The following GBP6 variants were observed in gnomAD, a reference collection of about 807,000 sequenced individuals.
GBP6 encodes guanylate binding protein family member 6.
GBP6 carries 54 observed loss-of-function variants against 61.5 expected under a neutral mutation model. The observed-to-expected ratio is 0.88, with a 90% CI of 0.71 to 1.10. The LOEUF (loss-of-function observed/expected upper bound fraction) is 1.10, where lower values mean the gene tolerates loss of function less well. Among genes scored for constraint, GBP6 ranks in the 50% least tolerant of loss-of-function variants. The pLI, the probability that GBP6 is intolerant of heterozygous loss-of-function variation, is 0.00. For synonymous variants in GBP6, 255 were observed against 273.7 expected (o/e 0.93, Z 0.67); for missense variants, 748 against 752.8 (o/e 0.99, Z 0.07).
intron 10 of GBP6, among the ~76,000 whole-genome samples, chr1:89,384,899 C>A (rs1043856526): frequency 6.6e-6 from 1 of 152,224 alleles, no homozygotes; most frequent in African/African-American, 2.4e-5. Flanking sequence ...GGTATTCCTA[C>A]AATATGGGTG....
At position 89,385,354 on chromosome 1, in the gene GBP6, C is replaced by T. The variant is rs144066091; in HGVS notation, c.1787C>T (p.Thr596Ile). The T allele has an allele frequency of 1.4e-5, 23 of 1,613,990 alleles. No homozygotes were observed. In the African/African-American group the frequency reaches 2.4e-4, roughly 17 times the overall value. ...GATGATACTCCCTGGATTGCACGAA[C>T]CTTGGACAACCTTGCCGATGAGCTA... Reference protein sequence around the residue: ...KNDDTPWIARTLDNLADELTA... With the variant: ...KNDDTPWIARILDNLADELTA... Residue 596 changes from threonine to isoleucine, a missense_variant, in exon 11 of 11, where the codon ACC (threonine) becomes ATC (isoleucine). Transcript: ENST00000370456.
intron 3 of GBP6, among the ~76,000 whole-genome samples, chr1:89,372,787 T>C (rs541951814): frequency 1.3e-5 from 2 of 152,238 alleles, no homozygotes; most frequent in South Asian, 2.1e-4. Flanking sequence ...CCAAAAGCAA[T>C]GGCAACAAAA....
At chr1:89,383,957 T>C in intron 9 of GBP6, 136 bp from the exon 10 acceptor site, 1 of 939,794 alleles carries the variant, frequency 1.1e-6, no homozygotes, top group Non-Finnish European at 1.6e-6. Flanking sequence ...TCAAATGCGC[T>C]CTTAATGGTG....
At chr1:89,376,787 G>A (rs537029964) in intron 3 of GBP6, among the ~76,000 whole-genome samples, 1 of 152,178 alleles carries the variant, frequency 6.6e-6, no homozygotes, top group East Asian at 1.9e-4. Flanking sequence ...GGTGGCTTGA[G>A]GCTAGGAGTT....
rs137963587 is a variant in GBP6, at chr1:89,385,785, G to A, written c.*316G>A. 4.8e-3 allele frequency: 973 copies of A among 204,654 alleles called. 8 individuals carry two copies. The highest frequency in any genetic ancestry group is 0.021 in the African/African-American group (904 of 42,556). 12.7% of individuals were successfully genotyped at this position (204,654 alleles called of 1,614,324 possible). The stretch of plus-strand genomic sequence containing the variant: ...TGACCTCAAATGATCCACCCGCCTC[G>A]GCCTCCCAAAGTGCTGGGTTTACAG... On this transcript the variant is annotated 3_prime_UTR_variant, in exon 11 of 11. Transcript: ENST00000370456.
rs1041813347 is a variant in GBP6 at position 89,387,764 on chromosome 1, C to A, written c.*2295C>A. ...CCTGGCCAACATGGCGAAACCCTGC[C>A]TTTACTAAAAATACAAAAATTAACC... On this transcript the variant is annotated 3_prime_UTR_variant, in exon 11 of 11. Transcript: ENST00000370456. Among the ~76,000 whole-genome samples, 1 of 152,186 alleles carries A rather than the reference C, an allele frequency of 6.6e-6. No homozygotes were observed. Among genetic ancestry groups the A allele is most frequent in the African/African-American group, 2.4e-5 (1 of 41,454 alleles).
intron 7 of GBP6, 129 bp downstream of exon 7, chr1:89,382,103 G>A: frequency 2.1e-6 from 2 of 970,746 alleles, no homozygotes; most frequent in Non-Finnish European, 3.0e-6. Flanking sequence ...ATGAGGGATA[G>A]AGTTTCAAAA....
In GBP6 at chr1:89,384,206, GC is replaced by G; in HGVS notation, c.1585del (p.Gln529AsnfsTer2). The G allele has an allele frequency of 6.2e-7, 1 of 1,614,030 alleles. No individual in the cohort carries two copies. Among genetic ancestry groups the G allele is most frequent in the Non-Finnish European group, 8.5e-7 (1 of 1,179,918 alleles). On this transcript the variant is annotated frameshift_variant, in exon 10 of 11. Transcript: ENST00000370456. LOFTEE classifies it high-confidence loss of function. ...AGATAAGAGTCGCAAGGAAAACATA[GC>G]CCAACTGAAGGAGAAGCTGCAGATG... ...AQDKSRKENI[A>X]QLKEKLQMER...
rs534676442 is a variant in GBP6, at chr1:89,380,574, A to C, written c.814A>C (p.Ile272Leu). 1.9e-6 allele frequency: 3 copies of C among 1,614,084 alleles called. No homozygotes were observed. The South Asian group carries it at 3.3e-5, about 18-fold the overall frequency. ...QEQTNIFCSY[I>L]FTHARTKTLR... ...ACAAACAAACATTTTCTGTTCTTAC[A>C]TCTTCACTCATGCAAGAACCAAGAC... is the stretch of plus-strand genomic sequence containing the variant. The change falls in exon 6 of 11, where the codon ATC (isoleucine) becomes CTC (leucine). Residue 272 changes from isoleucine (I) to leucine (L), a missense_variant. Physicochemically the swap from Ile to Leu is conservative, Grantham distance 5. Coordinates refer to ENST00000370456, the MANE Select transcript of GBP6 (RefSeq NM_198460.3).
At chr1:89,370,385 A>G (rs1422554264) in intron 3 of GBP6, among the ~76,000 whole-genome samples, 1 of 152,210 alleles carries the variant, frequency 6.6e-6, no homozygotes, top group Admixed American at 6.5e-5. Context: ...AGGAGAGTTC[A>G]GTTTATATTT....
At position 89,387,007 on chromosome 1, in the gene GBP6, A is replaced by G. The variant is rs142877914; in HGVS notation, c.*1538A>G. Among the ~76,000 whole-genome samples the G allele has an allele frequency of 1.1e-3, 165 of 152,322 alleles. No individual in the cohort carries two copies. The highest frequency in any genetic ancestry group is 1.9e-3 in the Non-Finnish European group (127 of 68,028). On this transcript the variant is annotated 3_prime_UTR_variant, in exon 11 of 11. Coordinates refer to ENST00000370456, the MANE Select transcript of GBP6 (RefSeq NM_198460.3). ...GGGTTAAATGGGATGGGGAGAAAAC[A>G]ATCAAGTGAAGTAAATGCTGTCTAT...
Position 89,380,598 on chromosome 1 carries a change from A to T in GBP6, c.838A>T (p.Thr280Ser). Residue 280 changes from threonine to serine, a missense_variant, in exon 6 of 11, where the codon ACC (threonine) becomes TCC (serine). Physicochemically the swap from Thr to Ser is moderately conservative, Grantham distance 58. Coordinates refer to ENST00000370456, the MANE Select transcript of GBP6 (RefSeq NM_198460.3). ...CATCTTCACTCATGCAAGAACCAAG[A>T]CCCTCAGGGAGGGAATCACAGTCAC... ...SYIFTHARTKTLREGITVTGN... is the reference protein window; with the variant it reads ...SYIFTHARTKSLREGITVTGN... The T allele has an allele frequency of 1.2e-6, 2 of 1,613,878 alleles. No homozygotes were observed. Among genetic ancestry groups the T allele is most frequent in the Non-Finnish European group, 8.5e-7 (1 of 1,179,810 alleles).
At chr1:89,371,678 C>T (rs1652646308) in intron 3 of GBP6, among the ~76,000 whole-genome samples, 1 of 152,166 alleles carries the variant, frequency 6.6e-6, no homozygotes, top group East Asian at 1.9e-4. Context: ...ATAATAAGAG[C>T]TATTTATGTC....
rs1308081043 is a variant in GBP6, at chr1:89,368,639, A to G, written c.88A>G (p.Ile30Val). The G allele has an allele frequency of 6.2e-7, 1 of 1,614,210 alleles. No homozygotes were observed. Residue 30 changes from isoleucine (I) to valine (V), a missense_variant, in exon 2 of 11, where the codon ATT becomes GTT. Physicochemically the swap from Ile to Val is conservative, Grantham distance 29. Transcript: ENST00000370456. ...ATTGGTGAACCAGCAAGCTATACAG[A>G]TTCTTGAAAAGATTTCTCAGCCAGT... ...QLLVNQQAIQILEKISQPVVV... is the reference protein window; with the variant it reads ...QLLVNQQAIQVLEKISQPVVV...
chr1:89,380,324 C>T (rs371738146), intron 5 of GBP6, 62 bp from the exon 6 acceptor site: 5 of 1,492,142 alleles, frequency 3.4e-6, no homozygotes, highest in Non-Finnish European at 4.6e-6. Flanking sequence ...ATCAAAAATA[C>T]CTTTAGCTCC....
rs146119573 is a variant in GBP6 at position 89,387,859 on chromosome 1, G to C, written c.*2390G>C. ...GAGGCAGGAAAATCACTTGAACCTG[G>C]GAGGTGGAGGTTGCAGTGAGCCGAG... On this transcript the variant is annotated 3_prime_UTR_variant, in exon 11 of 11. Coordinates refer to ENST00000370456, the MANE Select transcript of GBP6 (RefSeq NM_198460.3). Among the ~76,000 whole-genome samples, 431 of 152,342 alleles carry C rather than the reference G, an allele frequency of 2.8e-3. 2 individuals are homozygous for C. The highest frequency in any genetic ancestry group is 0.01 in the Middle Eastern group (3 of 294).
chr1:89,369,463 A>G (rs1652560080), intron 2 of GBP6, 83 bp from the exon 3 acceptor site: 2 of 1,496,056 alleles, frequency 1.3e-6, no homozygotes, highest in Non-Finnish European at 1.8e-6. Flanking sequence ...GGTAGTTACA[A>G]TCCAACCAGT....
rs116835162 is a variant in GBP6, at chr1:89,365,890, T to A, written c.-24+1763T>A. 8.6e-3 allele frequency among the ~76,000 whole-genome samples: 1,314 copies of A among 152,292 alleles called. 20 individuals carry two copies. The highest frequency in any genetic ancestry group is 0.03 in the African/African-American group (1,246 of 41,562). On this transcript the variant is annotated intron_variant, in intron 1 of 10. Coordinates refer to ENST00000370456, the MANE Select transcript of GBP6 (RefSeq NM_198460.3). ...AGATGCATCTTGAGTGTCTGACATA[T>A]CAATTCTAAACTGAGTATTTGAGGC...
chr1:89,369,189 G>T (rs1294885909), intron 2 of GBP6, among the ~76,000 whole-genome samples: 6 of 152,154 alleles, frequency 3.9e-5, no homozygotes, highest in Non-Finnish European at 8.8e-5. Flanking sequence ...TGCAAAAAAA[G>T]ATCTCAATTT....
Sources: allele counts gnomAD v4.1 joint callset (sites outside exome capture counted in the v4.1 genomes callset), GRCh38; gene constraint gnomAD v4.1.1; transcripts MANE v1.5; gene names NCBI Gene and HGNC (gene_info 2026-07-23, HGNC 2026-07-21).